TENM4: variants seen among roughly 807,000 people sequenced by gnomAD.
The protein encoded by TENM4 is teneurin-4.
TENM4 carries 82 observed loss-of-function variants against 243.3 expected under a neutral mutation model. The ratio of observed to expected loss-of-function variants is 0.34; its 90% confidence interval spans 0.28 to 0.40. The LOEUF (loss-of-function observed/expected upper bound fraction) is 0.40, where lower values mean the gene tolerates loss of function less well. Among genes scored for constraint, TENM4 ranks in the 10% least tolerant of loss-of-function variants. The probability of loss-of-function intolerance (pLI) is 1.00; values close to 1 mark genes in which losing one functional copy is unlikely to be tolerated. For synonymous variants in TENM4, 1,412 were observed against 1,456.3 expected (o/e 0.97, Z 0.69); for missense variants, 3,138 against 3,673.3 (o/e 0.85, Z 3.77).
intron 1 of TENM4, among the ~76,000 whole-genome samples, chr11:79,417,878 C>T (rs1344678461): frequency 6.6e-6 from 1 of 152,140 alleles, no homozygotes; most frequent in Non-Finnish European, 1.5e-5. Flanking sequence ...ATTGCCAAAA[C>T]CCTCAGAGCC....
intron 15 of TENM4, among the ~76,000 whole-genome samples, chr11:78,804,606 T>C (rs1385399564): frequency 2.0e-5 from 3 of 152,194 alleles, no homozygotes; most frequent in South Asian, 4.1e-4. Flanking sequence ...CCAACATAAT[T>C]ATCCTTTGTA....
chr11:79,164,102 A>C (rs1178826164), intron 3 of TENM4, among the ~76,000 whole-genome samples: 1 of 115,324 alleles, frequency 8.7e-6, no homozygotes, highest in Non-Finnish European at 1.6e-5. Flanking sequence ...TATATATAGT[A>C]TATATACACT....
intron 4 of TENM4, among the ~76,000 whole-genome samples, chr11:79,140,177 G>A (rs996992536): frequency 1.3e-5 from 2 of 152,004 alleles, no homozygotes; most frequent in Non-Finnish European, 2.9e-5. Flanking sequence ...GTGCAACATG[G>A]CTTCCTTTAG....
At chr11:79,102,174 C>T (rs187774730) in intron 4 of TENM4, among the ~76,000 whole-genome samples, 9 of 152,318 alleles carry the variant, frequency 5.9e-5, no homozygotes, top group East Asian at 5.8e-4. Flanking sequence ...AAGGAGGAAG[C>T]GTCCGTCAAG....
chr11:78,938,061 G>A (rs1856823771), intron 6 of TENM4, among the ~76,000 whole-genome samples: 1 of 152,122 alleles, frequency 6.6e-6, no homozygotes, highest in South Asian at 2.1e-4. Flanking sequence ...CCTGATAATT[G>A]AGTGATTGTT....
At chr11:79,405,871 A>G (rs1858559055) in intron 1 of TENM4, among the ~76,000 whole-genome samples, 1 of 148,484 alleles carries the variant, frequency 6.7e-6, no homozygotes, top group Middle Eastern at 3.2e-3. Context: ...AAAAAAAAAA[A>G]CAACTAGCTC....
intron 2 of TENM4, among the ~76,000 whole-genome samples, chr11:79,295,856 GTGT>G (rs1339425719): frequency 1.7e-5 from 1 of 57,186 alleles, no homozygotes; most frequent in African/African-American, 9.0e-5. Flanking sequence ...ACACCCGTAA[GTGT>G]TTTTTTTTTT....
In TENM4 at chr11:78,778,746, G is replaced by T; in HGVS notation, c.2366-118C>A. The T allele has an allele frequency of 3.4e-6, 3 of 885,058 alleles. No homozygotes were observed. In the South Asian group the frequency reaches 4.8e-5, roughly 14 times the overall value. The allele number at this position is 885,058 out of a possible 1,614,324, so 54.8% of individuals were successfully genotyped here. ...GGATTGTGCCCCACGTTTGGGACAG[G>T]CCTATGCCATGGTGGGGAAAATAAA... On this transcript the variant is annotated intron_variant, in intron 16 of 33. Coordinates refer to ENST00000278550, the MANE Select transcript of TENM4 (RefSeq NM_001098816.3).
At chr11:79,316,103 A>C (rs1170141455) in intron 1 of TENM4, among the ~76,000 whole-genome samples, 3 of 152,180 alleles carry the variant, frequency 2.0e-5, no homozygotes, top group Non-Finnish European at 4.4e-5. Context: ...TTTTTTCCTA[A>C]TTCTGGGACA....
chr11:79,072,821 G>A (rs775929328), intron 4 of TENM4, among the ~76,000 whole-genome samples: 7 of 152,036 alleles, frequency 4.6e-5, no homozygotes, highest in Admixed American at 6.6e-5. Context: ...ATAAGCATAA[G>A]TACTCCATAA....
intron 1 of TENM4, among the ~76,000 whole-genome samples, chr11:79,426,184 A>C (rs2135598909): frequency 6.6e-6 from 1 of 152,350 alleles, no homozygotes; most frequent in Middle Eastern, 3.4e-3. Flanking sequence ...TCTTCTATTA[A>C]AAATGTTAGC....
intron 3 of TENM4, among the ~76,000 whole-genome samples, chr11:79,206,589 G>A (rs1019929401): frequency 6.6e-5 from 10 of 152,134 alleles, no homozygotes; most frequent in Admixed American, 1.3e-4. Flanking sequence ...AGGGACCCAG[G>A]GGGAAGTAAA....
At chr11:78,790,174 T>G (rs973900618) in intron 15 of TENM4, among the ~76,000 whole-genome samples, 6 of 152,200 alleles carry the variant, frequency 3.9e-5, no homozygotes, top group Non-Finnish European at 7.3e-5. Flanking sequence ...CAAACTAATA[T>G]TGGCATTCAA....
intron 33 of TENM4, among the ~76,000 whole-genome samples, chr11:78,660,086 G>T (rs1404796307): frequency 1.3e-5 from 2 of 152,226 alleles, no homozygotes; most frequent in Non-Finnish European, 2.9e-5. Context: ...TCTCTGGAGT[G>T]CAGGAGGGAG....
intron 6 of TENM4, among the ~76,000 whole-genome samples, chr11:78,974,934 C>G (rs1857618351): frequency 6.6e-6 from 1 of 151,902 alleles, no homozygotes; most frequent in Non-Finnish European, 1.5e-5. Context: ...ATCTGCCCAC[C>G]TTGGCTTCCC....
At chr11:79,033,389 G>A (rs1363026777) in intron 6 of TENM4, among the ~76,000 whole-genome samples, 3 of 152,202 alleles carry the variant, frequency 2.0e-5, no homozygotes, top group South Asian at 2.1e-4. Flanking sequence ...TGTCCTGCTT[G>A]TACCCAAGAA....
chr11:79,047,683 G>A (rs552913521), intron 6 of TENM4, among the ~76,000 whole-genome samples: 184 of 152,310 alleles, frequency 1.2e-3, no homozygotes, highest in African/African-American at 4.2e-3. Context: ...GGGGCCTAGG[G>A]TAGTGGGAGG....
intron 23 of TENM4, among the ~76,000 whole-genome samples, chr11:78,724,085 C>G (rs1283645562): frequency 7.0e-6 from 1 of 142,624 alleles, no homozygotes; most frequent in East Asian, 2.1e-4. Context: ...TTTTTCTTTT[C>G]TTTCTTCTTT....
At chr11:78,818,690 CT>C (rs1857660192) in intron 12 of TENM4, among the ~76,000 whole-genome samples, 1 of 152,094 alleles carries the variant, frequency 6.6e-6, no homozygotes, top group Admixed American at 6.5e-5. Context: ...TATTCTTTGG[CT>C]TGGGAAAAGT....
Sources: gnomAD v4.1 joint callset for allele counts (sites outside exome capture counted in the v4.1 genomes callset) on GRCh38, gnomAD v4.1.1 for gene constraint, MANE v1.5 for transcripts, NCBI Gene and HGNC (gene_info 2026-07-23, HGNC 2026-07-21) for gene names.